Variants in MMP8 observed in about 807,000 individuals in gnomAD.
The protein encoded by MMP8 is matrix metallopeptidase 8, also known as neutrophil collagenase.
MMP8 carries 67 observed loss-of-function variants against 51.2 expected under a neutral mutation model. The ratio of observed to expected loss-of-function variants is 1.31; its 90% CI spans 1.08 to 1.60. The LOEUF is 1.60. Ranked by LOEUF, MMP8 falls within the 40% of genes most tolerant of loss-of-function variation. MMP8 has a pLI of 0.00. For missense variants in MMP8, 654 were observed against 558.1 expected (o/e 1.17, Z -1.73); for synonymous variants, 225 against 191.0 (o/e 1.18, Z -1.47).
At position 102,715,311 on chromosome 11, in the gene MMP8, T is replaced by G. The variant is rs752108896; in HGVS notation, c.1029A>C (p.Leu343=). ...AAAACTTTAGGAAGTTACCTTTAAA[T>G]AGGAAAATGAGGTCTCTGTCAAAAT... ...YEDFDRDLIF[L]FKGNQYWALS... Residue 343 remains leucine, a synonymous_variant, in exon 7 of 10, where the codon CTA becomes CTC. Coordinates refer to ENST00000236826, the MANE Select transcript of MMP8 (RefSeq NM_002424.3). The G allele has an allele frequency of 1.2e-6, 2 of 1,610,138 alleles. No individual in the cohort carries two copies. The highest frequency in any genetic ancestry group is 1.1e-5 in the South Asian group (1 of 90,390).
chr11:102,721,546 A>G lies in MMP8; in HGVS notation c.497-20T>C, dbSNP rs751924181. 63 of 1,613,604 alleles carry G rather than the reference A, an allele frequency of 3.9e-5. No individual in the cohort carries two copies. The highest frequency in any genetic ancestry group is 5.0e-5 in the Non-Finnish European group (59 of 1,179,718). On this transcript the variant is annotated intron_variant, in intron 3 of 9. Transcript: ENST00000236826. ...CGTGATCTGAAATAAGAACATTTGT[A>G]TTAGATCCTTGCCAAGTTTCAGGTT...
intron 4 of MMP8, among the ~76,000 whole-genome samples, chr11:102,720,706 C>A (rs1485941614): frequency 2.0e-5 from 3 of 152,180 alleles, no homozygotes; most frequent in Admixed American, 2.0e-4. Context: ...GAGTGGCTTG[C>A]TGTACAGAAG....
intron 4 of MMP8, 66 bp downstream of exon 4, chr11:102,721,335 T>TGTGC (rs1861463297): frequency 6.3e-7 from 1 of 1,583,622 alleles, no homozygotes; most frequent in Non-Finnish European, 8.6e-7. Flanking sequence ...TGTGTGTGTG[T>TGTGC]GTGTATTCTA....
At position 102,722,573 on chromosome 11, in the gene MMP8, C is replaced by T. The variant is rs1269834488; in HGVS notation, c.203G>A (p.Arg68Gln). 5 of 1,613,804 alleles carry T rather than the reference C, an allele frequency of 3.1e-6. No homozygotes were observed. The highest frequency in any genetic ancestry group is 1.7e-5 in the Admixed American group (1 of 59,982). ...VIVEKLKEMQ[R>Q]FFGLNVTGKP... ...CCCCGTCACATTCAACCCAAAAAAT[C>T]GCTGCATTTCTTTAAGCTTTTCAAC... The change falls in exon 2 of 10, where the codon CGA becomes CAA. Residue 68 changes from arginine to glutamine, a missense_variant. By Grantham distance (43) the Arg-to-Gln change is conservative (BLOSUM62 1). Transcript: ENST00000236826.
In MMP8 at chr11:102,713,150, T is replaced by C. The variant is rs889459799; in HGVS notation, c.*198A>G. 3.8e-5 allele frequency: 19 copies of C among 500,636 alleles called. 1 individual carries two copies. The highest frequency in any genetic ancestry group is 6.8e-5 in the Non-Finnish European group (19 of 280,826). 31.0% of individuals were successfully genotyped at this position (500,636 alleles called of 1,614,324 possible). Reference sequence around the variant, plus strand: ...GGAATCACTAATGTAAGATGGAATGTGTAAGAACTGAATAAGCCTCTGCAA... The same window carrying C: ...GGAATCACTAATGTAAGATGGAATGCGTAAGAACTGAATAAGCCTCTGCAA... On this transcript the variant is annotated 3_prime_UTR_variant, in exon 10 of 10. Coordinates refer to ENST00000236826, the MANE Select transcript of MMP8 (RefSeq NM_002424.3).
chr11:102,722,213 T>A (rs578005585), intron 2 of MMP8, among the ~76,000 whole-genome samples: 1 of 152,048 alleles, frequency 6.6e-6, no homozygotes, highest in Non-Finnish European at 1.5e-5. Flanking sequence ...CTCTTTAGAT[T>A]GTTGGAGAAG....
intron 5 of MMP8, 40 bp from the exon 6 acceptor site, chr11:102,716,459 T>A: frequency 1.5e-6 from 2 of 1,316,774 alleles, no homozygotes; most frequent in East Asian, 2.4e-5. Flanking sequence ...GTCTTTCTTA[T>A]GAGAGTAAGT....
Position 102,713,276 on chromosome 11 carries a change from A to G in MMP8, c.*72T>C. ...ATTGAGAAAAGTATAAGCAGGACAC[A>G]ATGTAACGAAAATGCTTGCTGAACT... is the stretch of plus-strand genomic sequence containing the variant. On this transcript the variant is annotated 3_prime_UTR_variant, in exon 10 of 10. Transcript: ENST00000236826. 1 of 1,002,786 alleles carries G rather than the reference A, an allele frequency of 1.0e-6. No homozygotes were observed. The highest frequency in any genetic ancestry group is 2.1e-4 in the Middle Eastern group (1 of 4,820). 62.1% of individuals were successfully genotyped at this position (1,002,786 alleles called of 1,614,324 possible).
chr11:102,716,421 TGG>T lies in MMP8; in HGVS notation c.785-4_785-3del. On this transcript the variant is annotated splice_region_variant and splice_polypyrimidine_tract_variant and intron_variant, in intron 5 of 9. Transcript: ENST00000236826. The stretch of plus-strand genomic sequence containing the variant: ...GTTGGATAGGGTTGCTTGAAAGTCC[TGG>T]AAAAAAAAAAAAAAAAAAAAAAAAG... 1 of 672,356 alleles carries T rather than the reference TGG, an allele frequency of 1.5e-6. No homozygotes were observed. The highest frequency in any genetic ancestry group is 2.1e-6 in the Non-Finnish European group (1 of 469,002). 41.6% of individuals were successfully genotyped at this position (672,356 alleles called of 1,614,324 possible).
chr11:102,715,252 GC>G (rs1180708460), intron 7 of MMP8, 51 bp downstream of exon 7: 2 of 1,565,044 alleles, frequency 1.3e-6, no homozygotes, highest in Admixed American at 1.9e-5. Context: ...AAGAAGTCCT[GC>G]CCCCTCCCTT....
At position 102,712,476 on chromosome 11, in the gene MMP8, G is replaced by T. The variant is rs761513548; in HGVS notation, c.*872C>A. 6.6e-6 allele frequency: 1 copy of T among 152,250 alleles called. No homozygotes were observed. The highest frequency in any genetic ancestry group is 2.1e-4 in the South Asian group (1 of 4,830). 9.4% of individuals were successfully genotyped at this position (152,250 alleles called of 1,614,324 possible). ...AACAAAGGAAATTTATTCCCTCACG[G>T]TTTTGGAGGATAGAAGTCCGAATTC... On this transcript the variant is annotated 3_prime_UTR_variant, in exon 10 of 10. Transcript: ENST00000236826.
At chr11:102,715,246 A>T in intron 7 of MMP8, 58 bp downstream of exon 7, 2 of 1,545,814 alleles carry the variant, frequency 1.3e-6, no homozygotes, top group Non-Finnish European at 1.7e-6. Flanking sequence ...ACCACAAAGA[A>T]GTCCTGCCCC....
intron 4 of MMP8, among the ~76,000 whole-genome samples, chr11:102,719,372 C>G (rs578123392): frequency 6.6e-6 from 1 of 152,254 alleles, no homozygotes; most frequent in East Asian, 1.9e-4. Context: ...CACACTGATG[C>G]ATTTTTGTAT....
chr11:102,722,596 A>C lies in MMP8; in HGVS notation c.180T>G (p.Val60=), dbSNP rs1181662490. The change falls in exon 2 of 10, where the codon GTT becomes GTG. Residue 60 remains valine (V), a synonymous_variant. Coordinates refer to ENST00000236826, the MANE Select transcript of MMP8 (RefSeq NM_002424.3). ...ATCGCTGCATTTCTTTAAGCTTTTCAACGATCACATTAGTGCCATTCTTCC... is the reference window on the plus strand; with the variant it reads ...ATCGCTGCATTTCTTTAAGCTTTTCCACGATCACATTAGTGCCATTCTTCC... ...STRKNGTNVI[V]EKLKEMQRFF... 9 of 1,613,970 alleles carry C rather than the reference A, an allele frequency of 5.6e-6. No individual in the cohort carries two copies. The highest frequency in any genetic ancestry group is 1.1e-5 in the South Asian group (1 of 91,082).
chr11:102,715,198 C>T (rs138294870), intron 7 of MMP8, 106 bp downstream of exon 7: 24 of 1,389,390 alleles, frequency 1.7e-5, no homozygotes, highest in Non-Finnish European at 2.2e-5. Flanking sequence ...GCCTGGCCAG[C>T]TTAATGCTGT....
intron 1 of MMP8, chr11:102,723,936 AT>A: frequency 1.5e-5 from 5 of 331,598 alleles, no homozygotes; most frequent in Admixed American, 3.2e-5. Flanking sequence ...GATTTAAGAT[AT>A]TTTTGTCTCT....
At chr11:102,717,604 TG>T (rs1320570266) in intron 5 of MMP8, among the ~76,000 whole-genome samples, 2 of 152,136 alleles carry the variant, frequency 1.3e-5, no homozygotes, top group Non-Finnish European at 2.9e-5. Flanking sequence ...CACTTCATGG[TG>T]TGCAGCTACC....
rs1861175704 is a variant in MMP8, at chr11:102,713,196, T to C, written c.*152A>G. 1 of 594,020 alleles carries C rather than the reference T, an allele frequency of 1.7e-6. No individual in the cohort carries two copies. Among genetic ancestry groups the C allele is most frequent in the Non-Finnish European group, 3.0e-6 (1 of 333,596 alleles). 36.8% of individuals were successfully genotyped at this position (594,020 alleles called of 1,614,324 possible). On this transcript the variant is annotated 3_prime_UTR_variant, in exon 10 of 10. Transcript: ENST00000236826. ...TGCAAATAGTGGAATATTCCAAACA[T>C]ATTTTCACGGAGGACAGGTAGAATG...
Position 102,713,460 on chromosome 11 carries a change from A to T in MMP8, c.1295-3T>A, listed in dbSNP as rs754400413. 4.2e-5 allele frequency: 67 copies of T among 1,596,850 alleles called. No individual in the cohort carries two copies. Among genetic ancestry groups the T allele is most frequent in the Non-Finnish European group, 5.7e-5 (66 of 1,164,638 alleles). On this transcript the variant is annotated splice_region_variant and splice_polypyrimidine_tract_variant and intron_variant, in intron 9 of 9. Coordinates refer to ENST00000236826, the MANE Select transcript of MMP8 (RefSeq NM_002424.3). ...TCCACTGAAGACATGGAAGAAATCT[A>T]TAAAAAAAGAGAGATAATTTATTGA...
Sources: gnomAD v4.1 joint callset for allele counts (sites outside exome capture counted in the v4.1 genomes callset) on GRCh38, gnomAD v4.1.1 for gene constraint, MANE v1.5 for transcripts, NCBI Gene and HGNC (gene_info 2026-07-23, HGNC 2026-07-21) for gene names.